B4GALT4: variants seen among roughly 807,000 people sequenced by gnomAD.
B4GALT4 encodes beta-1,4-galactosyltransferase 4, also known as N-acetyllactosamine synthase.
In B4GALT4, 27 loss-of-function variants were observed where a neutral mutation model predicts 37.3. That is an observed-to-expected ratio of 0.72 (90% CI 0.53 to 1.00). The LOEUF (loss-of-function observed/expected upper bound fraction) is 1.00, where lower values mean the gene tolerates loss of function less well. Among genes scored for constraint, B4GALT4 ranks in the 50% least tolerant of loss-of-function variants. The probability of loss-of-function intolerance (pLI) is 0.00; values close to 1 mark genes in which losing one functional copy is unlikely to be tolerated. For synonymous variants in B4GALT4, 148 were observed against 154.1 expected (o/e 0.96, Z 0.29); for missense variants, 372 against 413.1 (o/e 0.90, Z 0.86).
At chr3:119,224,350 G>GGC in intron 4 of B4GALT4, 105 bp from the exon 5 acceptor site, 5 of 722,344 alleles carry the variant, frequency 6.9e-6, no homozygotes, top group South Asian at 3.0e-5. Context: ...ATTATTCTAC[G>GGC]CACGAGACTA....
At chr3:119,228,873 T>C (rs2078717106) in intron 3 of B4GALT4, among the ~76,000 whole-genome samples, 1 of 152,122 alleles carries the variant, frequency 6.6e-6, no homozygotes, top group Non-Finnish European at 1.5e-5. Flanking sequence ...TCTTTCTCTC[T>C]CCCTCTCTCT....
chr3:119,238,534 A>G, intron 1 of B4GALT4, among the ~76,000 whole-genome samples: 1 of 152,184 alleles, frequency 6.6e-6, no homozygotes, highest in East Asian at 1.9e-4. Context: ...GTTTCAGTTA[A>G]CCACAAAAAA....
intron 2 of B4GALT4, among the ~76,000 whole-genome samples, chr3:119,234,140 C>A (rs1020805005): frequency 6.6e-6 from 1 of 151,350 alleles, no homozygotes; most frequent in Non-Finnish European, 1.5e-5. Flanking sequence ...TTTTTTGAGA[C>A]GGAGTCTCCC....
rs114078030 is a variant in B4GALT4 at position 119,219,769 on chromosome 3, T to C, written c.675-997A>G. Among the ~76,000 whole-genome samples, 857 of 152,302 alleles carry C rather than the reference T, an allele frequency of 5.6e-3. 7 individuals carry two copies. The highest frequency in any genetic ancestry group is 0.018 in the African/African-American group (761 of 41,578). ...AGTTATATAGGACTCTTATTATCAG[T>C]GGACAAATTTGTAAATCTCAGAAAT... On this transcript the variant is annotated intron_variant, in intron 5 of 7. Coordinates refer to ENST00000393765, the MANE Select transcript of B4GALT4 (RefSeq NM_003778.4).
intron 2 of B4GALT4, among the ~76,000 whole-genome samples, chr3:119,236,458 T>C (rs1003262868): frequency 2.0e-5 from 3 of 152,186 alleles, no homozygotes; most frequent in African/African-American, 7.2e-5. Context: ...TTTACAACTT[T>C]TCTGTAAGTC....
chr3:119,239,551 G>A (rs1337672546), intron 1 of B4GALT4, among the ~76,000 whole-genome samples: 5 of 152,106 alleles, frequency 3.3e-5, no homozygotes, highest in African/African-American at 1.2e-4. Flanking sequence ...TATTAGCTCG[G>A]CTTAAAGTAG....
intron 5 of B4GALT4, among the ~76,000 whole-genome samples, chr3:119,223,186 G>A (rs1328867642): frequency 1.3e-5 from 2 of 152,134 alleles, no homozygotes; most frequent in Non-Finnish European, 2.9e-5. Context: ...CAAAATTAAC[G>A]CAACTCCACT....
At chr3:119,239,348 T>C (rs1251121457) in intron 1 of B4GALT4, among the ~76,000 whole-genome samples, 2 of 146,476 alleles carry the variant, frequency 1.4e-5, no homozygotes, top group Non-Finnish European at 3.0e-5. Flanking sequence ...AAAAATTATA[T>C]TTTTATCGAG....
intron 3 of B4GALT4, among the ~76,000 whole-genome samples, chr3:119,227,986 T>C (rs182101469): frequency 3.8e-4 from 58 of 152,254 alleles, no homozygotes; most frequent in African/African-American, 1.2e-3. Flanking sequence ...AAGAGAATAA[T>C]TGGCCTACGA....
intron 6 of B4GALT4, among the ~76,000 whole-genome samples, chr3:119,217,287 G>A (rs958032262): frequency 1.5e-4 from 22 of 149,748 alleles, no homozygotes; most frequent in Non-Finnish European, 2.8e-4. Context: ...AATGTAGCAC[G>A]TACCCTCTGT....
intron 5 of B4GALT4, among the ~76,000 whole-genome samples, 183 bp downstream of exon 5, chr3:119,223,874 GT>G (rs2078521039): frequency 6.6e-6 from 1 of 152,224 alleles, no homozygotes. Flanking sequence ...CTCTGCTGAA[GT>G]TGTAGGGCTT....
Position 119,224,208 on chromosome 3 carries a change from T to C in B4GALT4, c.524A>G (p.Asn175Ser). ...CTTGAGGGCTTCTAGATAGCCCACA[T>C]TCAAGAGTTTGGCTCGATTAAACTT... ...GKKFNRAKLL[N>S]VGYLEALKEE... The change falls in exon 5 of 8, where the codon AAT becomes AGT. Residue 175 changes from asparagine to serine, a missense_variant. Transcript: ENST00000393765. The C allele has an allele frequency of 6.2e-7, 1 of 1,612,258 alleles. No individual in the cohort carries two copies. Among genetic ancestry groups the C allele is most frequent in the African/African-American group, 1.3e-5 (1 of 74,938 alleles).
chr3:119,215,882 T>C (rs540492300), intron 7 of B4GALT4: 6 of 156,518 alleles, frequency 3.8e-5, no homozygotes, highest in East Asian at 3.7e-4. Flanking sequence ...TAAGGAGATA[T>C]TGTTAATTTT....
At chr3:119,231,484 C>A (rs995957048) in intron 2 of B4GALT4, among the ~76,000 whole-genome samples, 1 of 151,910 alleles carries the variant, frequency 6.6e-6, no homozygotes, top group African/African-American at 2.4e-5. Context: ...AAAATGGAGA[C>A]CAAAATATTT....
At chr3:119,227,995 G>A (rs1309635918) in intron 3 of B4GALT4, among the ~76,000 whole-genome samples, 3 of 152,182 alleles carry the variant, frequency 2.0e-5, no homozygotes, top group Admixed American at 6.5e-5. Context: ...ATTGGCCTAC[G>A]AGAGCCTTCC....
At chr3:119,219,332 G>A (rs142142256) in intron 5 of B4GALT4, among the ~76,000 whole-genome samples, 1 of 152,302 alleles carries the variant, frequency 6.6e-6, no homozygotes, top group Non-Finnish European at 1.5e-5. Flanking sequence ...CCCAACACAT[G>A]TCAACACCCT....
chr3:119,233,179 A>T (rs1040518340), intron 2 of B4GALT4: 1 of 152,268 alleles, frequency 6.6e-6, no homozygotes, highest in African/African-American at 2.4e-5. Flanking sequence ...GCCAAGTGGA[A>T]GGAGGTTATG....
intron 5 of B4GALT4, among the ~76,000 whole-genome samples, chr3:119,222,309 G>A (rs769698673): frequency 9.9e-5 from 15 of 152,120 alleles, no homozygotes; most frequent in Admixed American, 9.2e-4. Context: ...TTTCCTCAAT[G>A]CAGAAGTGAC....
chr3:119,234,328 C>T (rs547294202), intron 2 of B4GALT4, among the ~76,000 whole-genome samples: 131 of 152,252 alleles, frequency 8.6e-4, no homozygotes, highest in African/African-American at 3.0e-3. Flanking sequence ...CCATGTTGGC[C>T]AGGCTGGTCT....
Sources: gnomAD v4.1 joint callset for allele counts (sites outside exome capture counted in the v4.1 genomes callset) on GRCh38, gnomAD v4.1.1 for gene constraint, MANE v1.5 for transcripts, NCBI Gene and HGNC (gene_info 2026-07-23, HGNC 2026-07-21) for gene names.